Variants in HACE1 observed in about 807,000 individuals in gnomAD.
The protein encoded by HACE1 is HECT domain and ankyrin repeat containing E3 ubiquitin protein ligase 1.
Under a neutral mutation model 118.4 loss-of-function variants are expected in HACE1, and 73 were observed. That is an observed-to-expected ratio of 0.62 (90% CI 0.51 to 0.75). The LOEUF is 0.75. HACE1 is among the 30% of genes least tolerant of loss of function. The pLI, the probability that HACE1 is intolerant of heterozygous loss-of-function variation, is 0.00. For missense variants in HACE1, 749 were observed against 1,102.2 expected (o/e 0.68, Z 4.54); for synonymous variants, 368 against 374.8 (o/e 0.98, Z 0.21).
chr6:104,850,314 T>A (rs776421501), intron 3 of HACE1, among the ~76,000 whole-genome samples: 4 of 152,222 alleles, frequency 2.6e-5, no homozygotes, highest in Admixed American at 2.0e-4. Context: ...AAACATTCTC[T>A]ACTTTCAAGA....
rs774440220 is a variant in HACE1 at position 104,772,053 on chromosome 6, C to T, written c.1886G>A (p.Ser629Asn). The change falls in exon 18 of 24, where the codon AGC becomes AAC. Residue 629 changes from serine (S) to asparagine (N), a missense_variant. By Grantham distance (46) the Ser-to-Asn change is conservative. Transcript: ENST00000262903. ...GTGATCAGGATTTACATAAGAGTTGCTATTAGGCTGAAAAGTTGTTCCTAT... is the reference window on the plus strand; with the variant it reads ...GTGATCAGGATTTACATAAGAGTTGTTATTAGGCTGAAAAGTTGTTCCTAT... ...SADGTTFQPN[S>N]NSYVNPDHLN... 1 of 1,599,444 alleles carries T rather than the reference C, an allele frequency of 6.3e-7. No individual in the cohort carries two copies. Among genetic ancestry groups the T allele is most frequent in the Non-Finnish European group, 8.6e-7 (1 of 1,167,242 alleles).
chr6:104,775,879 G>A (rs1300637760), intron 17 of HACE1, among the ~76,000 whole-genome samples: 1 of 151,746 alleles, frequency 6.6e-6, no homozygotes, highest in East Asian at 2.0e-4. Flanking sequence ...TACAATTAAT[G>A]AAGCATTCTC....
intron 16 of HACE1, 73 bp from the exon 17 acceptor site, chr6:104,776,901 A>C: frequency 1.5e-6 from 2 of 1,319,636 alleles, no homozygotes; most frequent in Non-Finnish European, 2.2e-6. Context: ...AAATAACAAA[A>C]TTTAAATATA....
chr6:104,751,076 C>A (rs11156416), intron 19 of HACE1, among the ~76,000 whole-genome samples: 8,353 of 152,218 alleles, frequency 0.055, 270 homozygotes, highest in East Asian at 0.13. Flanking sequence ...TCTTTCCATT[C>A]TCCCCCTAGT....
At chr6:104,834,884 T>C (rs1192013956) in intron 5 of HACE1, among the ~76,000 whole-genome samples, 1 of 152,176 alleles carries the variant, frequency 6.6e-6, no homozygotes, top group African/African-American at 2.4e-5. Flanking sequence ...CCTCCCCAAC[T>C]GTGCAAGGCC....
rs367636983 is a variant in HACE1 at position 104,777,107 on chromosome 6, G to C, written c.1682C>G (p.Ser561Cys). ...ENDILLVHRDSIFRSSCEVVS... is the reference protein window; with the variant it reads ...ENDILLVHRDCIFRSSCEVVS... ...AACTTCACAGCTACTCCTAAAAATA[G>C]AATCTAAATATGTAGCATTGGTTAA... Residue 561 changes from serine (S) to cysteine (C), a missense_variant, in exon 16 of 24, where the codon TCT becomes TGT. Physicochemically the swap from Ser to Cys is moderately radical, Grantham distance 112. Coordinates refer to ENST00000262903, the MANE Select transcript of HACE1 (RefSeq NM_020771.4). The C allele has an allele frequency of 1.2e-6, 2 of 1,601,498 alleles. No homozygotes were observed. The highest frequency in any genetic ancestry group is 1.3e-5 in the African/African-American group (1 of 74,686).
intron 6 of HACE1, among the ~76,000 whole-genome samples, chr6:104,820,829 A>G (rs1304162793): frequency 6.6e-6 from 1 of 152,230 alleles, no homozygotes; most frequent in Non-Finnish European, 1.5e-5. Context: ...CAGCAATCCC[A>G]TTACTGGGTA....
At chr6:104,813,248 A>G (rs1270544010) in intron 6 of HACE1, among the ~76,000 whole-genome samples, 2 of 138,182 alleles carry the variant, frequency 1.4e-5, no homozygotes, top group Admixed American at 1.4e-4. Context: ...AAGACTTTGG[A>G]AAACCAAGGT....
intron 19 of HACE1, among the ~76,000 whole-genome samples, chr6:104,758,049 GA>G (rs1185213981): frequency 2.6e-5 from 4 of 152,076 alleles, no homozygotes; most frequent in African/African-American, 9.7e-5. Context: ...GGGACTATGT[GA>G]AAAGACCAAA....
At chr6:104,757,056 C>T (rs767925997) in intron 19 of HACE1, among the ~76,000 whole-genome samples, 2 of 152,136 alleles carry the variant, frequency 1.3e-5, no homozygotes, top group Non-Finnish European at 2.9e-5. Flanking sequence ...AACAAAGAGG[C>T]AGGGAAGCTT....
chr6:104,756,868 G>C (rs933263991), intron 19 of HACE1, among the ~76,000 whole-genome samples: 1 of 152,192 alleles, frequency 6.6e-6, no homozygotes, highest in South Asian at 2.1e-4. Context: ...CACAGTCTTC[G>C]CAACTGGCAG....
At chr6:104,781,771 C>G (rs17065302) in intron 14 of HACE1, among the ~76,000 whole-genome samples, 16,661 of 151,946 alleles carry the variant, frequency 0.11, 954 homozygotes, top group Admixed American at 0.15. Context: ...CCACATGACT[C>G]ACACTGGGAC....
Position 104,852,349 on chromosome 6 carries a change from T to C in HACE1, c.99A>G (p.Thr33=), listed in dbSNP as rs770405568. ...LPEDNETAVY[T]LMPMVMADQH... ...GATCAGCCATAACCATTGGCATTAATGTATAAACAGCAGTTTCATTATCTG... is the reference window on the plus strand; with the variant it reads ...GATCAGCCATAACCATTGGCATTAACGTATAAACAGCAGTTTCATTATCTG... The change falls in exon 2 of 24, where the codon ACA becomes ACG. Residue 33 remains threonine, a synonymous_variant. Transcript: ENST00000262903. 3.1e-6 allele frequency: 5 copies of C among 1,604,172 alleles called. No homozygotes were observed. Among genetic ancestry groups the C allele is most frequent in the East Asian group, 2.2e-5 (1 of 44,746 alleles).
chr6:104,812,738 A>C (rs910737611), intron 6 of HACE1, among the ~76,000 whole-genome samples: 2 of 152,170 alleles, frequency 1.3e-5, no homozygotes, highest in Admixed American at 6.5e-5. Context: ...CTTACTACAG[A>C]ACACACACAT....
intron 22 of HACE1, among the ~76,000 whole-genome samples, chr6:104,736,573 T>C (rs1775862231): frequency 2.0e-5 from 3 of 152,300 alleles, no homozygotes; most frequent in Non-Finnish European, 4.4e-5. Flanking sequence ...CTACTATAAA[T>C]GTCTTATCTT....
At chr6:104,847,241 C>T (rs1329538175) in intron 4 of HACE1, among the ~76,000 whole-genome samples, 1 of 152,196 alleles carries the variant, frequency 6.6e-6, no homozygotes, top group Non-Finnish European at 1.5e-5. Flanking sequence ...TATCCCTGCT[C>T]TGCACTAATC....
rs573612230 is a variant in HACE1 at position 104,839,937 on chromosome 6, C to T, written c.402+3286G>A. 6.6e-5 allele frequency among the ~76,000 whole-genome samples: 10 copies of T among 152,148 alleles called. No homozygotes were observed. The South Asian group carries it at 1.2e-3, about 19-fold the overall frequency. ...AGGAGAATTGCTTGAACCCAGGAGG[C>T]GGAGGTTGCAGTGAGCTGAGATTGC... On this transcript the variant is annotated intron_variant, in intron 5 of 23. Coordinates refer to ENST00000262903, the MANE Select transcript of HACE1 (RefSeq NM_020771.4).
intron 11 of HACE1, chr6:104,785,597 A>C (rs1423922659): frequency 5.6e-6 from 2 of 354,756 alleles, no homozygotes; most frequent in Non-Finnish European, 1.0e-5. Flanking sequence ...AAAATTCACA[A>C]TCTTTCTTCT....
intron 1 of HACE1, 44 bp from the exon 2 acceptor site, chr6:104,852,415 G>T: frequency 8.7e-7 from 1 of 1,143,052 alleles, no homozygotes; most frequent in Non-Finnish European, 1.3e-6. Context: ...CCTACTTTGT[G>T]CAAGGGGTGA....
Sources: gnomAD v4.1 joint callset for allele counts (sites outside exome capture counted in the v4.1 genomes callset) on GRCh38, gnomAD v4.1.1 for gene constraint, MANE v1.5 for transcripts, NCBI Gene and HGNC (gene_info 2026-07-23, HGNC 2026-07-21) for gene names.